The following PRSS12 variants were observed in gnomAD, a reference collection of about 807,000 sequenced individuals.
The protein encoded by PRSS12 is serine protease 12.
A neutral mutation model predicts 104.4 loss-of-function variants in PRSS12; 85 were observed. That is an observed-to-expected ratio of 0.81 (90% CI 0.68 to 0.98). The LOEUF (loss-of-function observed/expected upper bound fraction) is 0.98, where lower values mean the gene tolerates loss of function less well. Ranked by LOEUF, PRSS12 falls within the 50% of genes least tolerant of loss-of-function variation. PRSS12 has a pLI of 0.00. For missense variants in PRSS12, 1,141 were observed against 1,139.2 expected, an observed-to-expected ratio of 1.00 and a Z score of -0.02; for synonymous variants, 454 against 425.2, an observed-to-expected ratio of 1.07 and a Z score of -0.83.
At chr4:118,305,729 T>A (rs1297049052) in intron 8 of PRSS12, among the ~76,000 whole-genome samples, 1 of 152,178 alleles carries the variant, frequency 6.6e-6, no homozygotes, top group Non-Finnish European at 1.5e-5. Context: ...CTATAGGTAC[T>A]GTATTGTACG....
In PRSS12 at chr4:118,280,985, T is replaced by C. The variant is rs1275493103; in HGVS notation, c.*951A>G. ...GCATATGTTATAACTGCTGTATGTA[T>C]TAGAACTTTTCAATGTGTAGGCCAG... On this transcript the variant is annotated 3_prime_UTR_variant, in exon 13 of 13. Transcript: ENST00000296498. The C allele has an allele frequency of 6.6e-6, 1 of 152,234 alleles. No homozygotes were observed. Among genetic ancestry groups the C allele is most frequent in the African/African-American group, 2.4e-5 (1 of 41,460 alleles). The allele number at this position is 152,234 out of a possible 1,614,324, so 9.4% of individuals were successfully genotyped here. A position where few individuals can be genotyped will look rare whatever the true frequency, so the allele number is the denominator to read the frequency against.
Position 118,318,464 on chromosome 4 carries a change from G to T in PRSS12, c.1064C>A (p.Ser355Ter), listed in dbSNP as rs779095166. ...DEVRCTGNELSIEQCPKSSWG... is the reference protein window; with the variant it reads ...DEVRCTGNEL ...GGAGCTCTTTGGACACTGCTCAATTGAAAGCTCATTCCCAGTGCAGCGTAC... is the reference window on the plus strand; with the variant it reads ...GGAGCTCTTTGGACACTGCTCAATTTAAAGCTCATTCCCAGTGCAGCGTAC... Residue 355 changes from serine to a stop codon, truncating the protein, a stop_gained, in exon 5 of 13, where the codon TCA (serine) becomes TAA (stop). Coordinates refer to ENST00000296498, the MANE Select transcript of PRSS12 (RefSeq NM_003619.4). LOFTEE classifies it high-confidence loss of function. 6.2e-7 allele frequency: 1 copy of T among 1,614,146 alleles called. No homozygotes were observed. The highest frequency in any genetic ancestry group is 1.1e-5 in the South Asian group (1 of 91,086).
rs760006069 is a variant in PRSS12 at position 118,280,115 on chromosome 4, C to CA, written c.*1820dup. On this transcript the variant is annotated 3_prime_UTR_variant, in exon 13 of 13. Coordinates refer to ENST00000296498, the MANE Select transcript of PRSS12 (RefSeq NM_003619.4). ...TATCTTTCAAAAGTCACACTTAAGA[C>CA]ATAGTAAAAGCATGTTGTATGAACC... The CA allele has an allele frequency of 1.3e-5, 2 of 152,208 alleles. No individual in the cohort carries two copies. The highest frequency in any genetic ancestry group is 2.9e-5 in the Non-Finnish European group (2 of 68,036). 9.4% of individuals were successfully genotyped at this position (152,208 alleles called of 1,614,324 possible).
chr4:118,316,837 A>AATATATATATATATAT (rs70941165), intron 5 of PRSS12, among the ~76,000 whole-genome samples: 23 of 99,158 alleles, frequency 2.3e-4, no homozygotes, highest in South Asian at 2.3e-3. Context: ...AAAAAAAAAA[A>AATATATATATATATAT]ATATATATAT....
rs1385736556 is a variant in PRSS12 at position 118,337,922 on chromosome 4, C to T, written c.641+254G>A. Among the ~76,000 whole-genome samples the T allele has an allele frequency of 2.0e-5, 3 of 152,056 alleles. No individual in the cohort carries two copies. The East Asian group carries it at 5.8e-4, about 29-fold the overall frequency. ...TGTTAAAGACAAAGACCAAAAGATG[C>T]TTTTAAATTTGCCCACTTAGTATTT... On this transcript the variant is annotated intron_variant, in intron 2 of 12. Transcript: ENST00000296498.
At chr4:118,303,563 A>C (rs774604047) in intron 8 of PRSS12, 23 of 152,260 alleles carry the variant, frequency 1.5e-4, no homozygotes, top group Non-Finnish European at 2.8e-4. Flanking sequence ...GAAAAAAGGG[A>C]AAGGCTTCTC....
In PRSS12 at chr4:118,281,803, G is replaced by T; in HGVS notation, c.*133C>A. On this transcript the variant is annotated 3_prime_UTR_variant, in exon 13 of 13. Coordinates refer to ENST00000296498, the MANE Select transcript of PRSS12 (RefSeq NM_003619.4). Reference sequence around the variant, plus strand: ...CACAAATTTCTCAAAAGCAGCAGGGGGTACACAATTTTTTACCACAACACA... The same window carrying T: ...CACAAATTTCTCAAAAGCAGCAGGGTGTACACAATTTTTTACCACAACACA... The T allele has an allele frequency of 1.4e-6, 1 of 701,256 alleles. No homozygotes were observed. The allele number at this position is 701,256 out of a possible 1,614,324, so 43.4% of individuals were successfully genotyped here.
intron 4 of PRSS12, among the ~76,000 whole-genome samples, chr4:118,321,327 G>A (rs1035886188): frequency 1.3e-5 from 2 of 152,180 alleles, no homozygotes; most frequent in Non-Finnish European, 2.9e-5. Flanking sequence ...CTAGAGAAGA[G>A]TGCACTAATC....
chr4:118,352,804 G>A lies in PRSS12; in HGVS notation c.-84C>T. ...AAGAGGAGGGGGCGGGGGCGGGGCTGCCGCGTCCCTCGAATCCCCCAGCCC... is the reference window on the plus strand; with the variant it reads ...AAGAGGAGGGGGCGGGGGCGGGGCTACCGCGTCCCTCGAATCCCCCAGCCC... On this transcript the variant is annotated 5_prime_UTR_variant, in exon 1 of 13. Coordinates refer to ENST00000296498, the MANE Select transcript of PRSS12 (RefSeq NM_003619.4). The A allele has an allele frequency of 6.4e-7, 1 of 1,564,848 alleles. No individual in the cohort carries two copies. The highest frequency in any genetic ancestry group is 1.2e-5 in the South Asian group (1 of 85,806).
intron 8 of PRSS12, among the ~76,000 whole-genome samples, chr4:118,302,304 T>G (rs1025362596): frequency 2.0e-5 from 3 of 152,212 alleles, no homozygotes; most frequent in Non-Finnish European, 4.4e-5. Context: ...TGTAGATTCA[T>G]TAGATTGAGG....
chr4:118,302,106 ATT>A (rs979462480), intron 8 of PRSS12, among the ~76,000 whole-genome samples: 1 of 152,098 alleles, frequency 6.6e-6, no homozygotes, highest in African/African-American at 2.4e-5. Context: ...TTATTAAGAT[ATT>A]TGTTTAATCA....
Position 118,294,927 on chromosome 4 carries a change from G to A in PRSS12, c.2039+12C>T, listed in dbSNP as rs1743219096. ...AAGCTACACTAGGTTGTTTGGGAAG[G>A]TGGACACATACCTCTTGAAACAGTG... On this transcript the variant is annotated intron_variant, in intron 11 of 12. Coordinates refer to ENST00000296498, the MANE Select transcript of PRSS12 (RefSeq NM_003619.4). The A allele has an allele frequency of 3.1e-6, 5 of 1,613,828 alleles. No homozygotes were observed. The South Asian group carries it at 3.3e-5, about 11-fold the overall frequency.
rs1394741292 is a variant in PRSS12, at chr4:118,313,247, A to T, written c.1443T>A (p.Val481=). ...CGCCGCCAGGGTAGCAGGCAATGCTAACATCTTCGCGGTGGCTGCAGTCAT... is the reference window on the plus strand; with the variant it reads ...CGCCGCCAGGGTAGCAGGCAATGCTTACATCTTCGCGGTGGCTGCAGTCAT... ...GRHDCSHRED[V]SIACYPGGEG... The change falls in exon 7 of 13, where the codon GTT becomes GTA. Residue 481 remains valine, a synonymous_variant. Transcript: ENST00000296498. 6.2e-7 allele frequency: 1 copy of T among 1,613,948 alleles called. No individual in the cohort carries two copies. Among genetic ancestry groups the T allele is most frequent in the African/African-American group, 1.3e-5 (1 of 74,924 alleles).
chr4:118,324,176 A>T (rs1723706056), intron 4 of PRSS12, among the ~76,000 whole-genome samples: 1 of 152,082 alleles, frequency 6.6e-6, no homozygotes, highest in Non-Finnish European at 1.5e-5. Context: ...CTAGGATATT[A>T]TCACATTTTA....
At chr4:118,318,684 T>C (rs772877207) in intron 4 of PRSS12, 128 bp from the exon 5 acceptor site, 1 of 923,258 alleles carries the variant, frequency 1.1e-6, no homozygotes, top group Non-Finnish European at 1.7e-6. Context: ...AGGTCATGCA[T>C]GACTTTCTGT....
chr4:118,336,096 T>C (rs1265921826), intron 2 of PRSS12, among the ~76,000 whole-genome samples: 1 of 152,250 alleles, frequency 6.6e-6, no homozygotes, highest in Non-Finnish European at 1.5e-5. Flanking sequence ...TTGAAGATTC[T>C]TTCTGACTCT....
At chr4:118,334,040 T>A (rs1357882130) in intron 3 of PRSS12, among the ~76,000 whole-genome samples, 1 of 152,198 alleles carries the variant, frequency 6.6e-6, no homozygotes, top group African/African-American at 2.4e-5. Context: ...GACAAGACAC[T>A]AAGTGTAATT....
At chr4:118,351,671 G>C (rs1037793942) in intron 1 of PRSS12, among the ~76,000 whole-genome samples, 2 of 152,098 alleles carry the variant, frequency 1.3e-5, no homozygotes, top group Non-Finnish European at 2.9e-5. Context: ...GAATATGGCT[G>C]ATTTTGGCCA....
Position 118,332,776 on chromosome 4 carries a change from A to G in PRSS12, c.821-910T>C, listed in dbSNP as rs115274824. On this transcript the variant is annotated intron_variant, in intron 3 of 12. Transcript: ENST00000296498. Reference sequence around the variant, plus strand: ...TCAACTGACAAGCAATGCTAAATAAACCTAGAAAAGACACTCCAAACAAGA... The same window carrying G: ...TCAACTGACAAGCAATGCTAAATAAGCCTAGAAAAGACACTCCAAACAAGA... Among the ~76,000 whole-genome samples the G allele has an allele frequency of 6.8e-3, 1,028 of 152,290 alleles. 13 individuals carry two copies. The highest frequency in any genetic ancestry group is 0.023 in the African/African-American group (942 of 41,558).
Sources: gnomAD v4.1 joint callset for allele counts (sites outside exome capture counted in the v4.1 genomes callset) on GRCh38, gnomAD v4.1.1 for gene constraint, MANE v1.5 for transcripts, NCBI Gene and HGNC (gene_info 2026-07-23, HGNC 2026-07-21) for gene names.